The following ATG2B variants were observed in gnomAD, a reference collection of about 807,000 sequenced individuals.
ATG2B encodes autophagy-related protein 2 homolog B.
In ATG2B, 121 loss-of-function variants were observed where a neutral mutation model predicts 241.3. The observed-to-expected ratio is 0.50, with a 90% confidence interval of 0.43 to 0.58. ATG2B has a LOEUF of 0.58. ATG2B is among the 20% of genes least tolerant of loss of function. The probability of loss-of-function intolerance (pLI) is 0.00; values close to 1 mark genes in which losing one functional copy is unlikely to be tolerated. For missense variants in ATG2B, 2,306 were observed against 2,491.6 expected, an observed-to-expected ratio of 0.93 and a Z score of 1.59; for synonymous variants, 858 against 876.6, an observed-to-expected ratio of 0.98 and a Z score of 0.37.
chr14:96,331,625 C>A lies in ATG2B; in HGVS notation c.1481G>T (p.Arg494Ile). 6.2e-7 allele frequency: 1 copy of A among 1,605,676 alleles called. No homozygotes were observed. Among genetic ancestry groups the A allele is most frequent in the Non-Finnish European group, 8.5e-7 (1 of 1,177,332 alleles). ...TPLQKTSLPS[R>I]SVSVDESRPE... ...CCTTGATTCATCCACTGAAACAGAT[C>A]TAGATGGGAGAGCTAAAATACAAGT... The change falls in exon 11 of 42, where the codon AGA becomes ATA. Residue 494 changes from arginine (R) to isoleucine (I), a missense_variant. Transcript: ENST00000359933.
At chr14:96,287,596 G>A (rs1441844377) in intron 41 of ATG2B, among the ~76,000 whole-genome samples, 2 of 152,208 alleles carry the variant, frequency 1.3e-5, no homozygotes, top group East Asian at 1.9e-4. Context: ...TACGGTGATT[G>A]TTAGAATTAA....
In ATG2B at chr14:96,315,581, T is replaced by C. The variant is rs202208688; in HGVS notation, c.3364A>G (p.Ile1122Val). Reference sequence around the variant, plus strand: ...GTCGGGAGAATCACTCCATTCACTATGCCTAGAGATCCACATTGAGGTAAA... The same window carrying C: ...GTCGGGAGAATCACTCCATTCACTACGCCTAGAGATCCACATTGAGGTAAA... ...SSSFSLYHKG[I>V]VNGVILPTET... is the part of the protein sequence containing the mutation. The change falls in exon 22 of 42, where the codon ATA (isoleucine) becomes GTA (valine). Residue 1122 changes from isoleucine (I) to valine (V), a missense_variant and splice_region_variant. By Grantham distance (29) the Ile-to-Val change is conservative. Transcript: ENST00000359933. The C allele has an allele frequency of 2.0e-4, 315 of 1,611,470 alleles. No homozygotes were observed. The highest frequency in any genetic ancestry group is 2.5e-4 in the Non-Finnish European group (296 of 1,177,816).
chr14:96,322,848 A>G (rs1248084207), intron 16 of ATG2B, 113 bp from the exon 17 acceptor site: 1 of 864,132 alleles, frequency 1.2e-6, no homozygotes, highest in Non-Finnish European at 1.7e-6. Context: ...GATAGAATTA[A>G]ACTTCTCTAC....
intron 1 of ATG2B, among the ~76,000 whole-genome samples, chr14:96,359,093 C>T (rs1184891747): frequency 6.6e-6 from 1 of 151,478 alleles, no homozygotes; most frequent in Non-Finnish European, 1.5e-5. Context: ...CCTCAGTGGC[C>T]AGGCGTGGTG....
At chr14:96,352,295 G>T (rs1888346332) in intron 1 of ATG2B, among the ~76,000 whole-genome samples, 1 of 152,074 alleles carries the variant, frequency 6.6e-6, no homozygotes, top group Non-Finnish European at 1.5e-5. Context: ...ATACTCGAGG[G>T]TGATAATAAA....
intron 22 of ATG2B, 52 bp downstream of exon 22, chr14:96,315,332 T>C: frequency 2.5e-6 from 4 of 1,594,004 alleles, no homozygotes; most frequent in Non-Finnish European, 3.4e-6. Context: ...TTTATGTAAT[T>C]ATTTTTAGCT....
intron 20 of ATG2B, 67 bp downstream of exon 20, chr14:96,317,078 T>A (rs1887333523): frequency 7.4e-7 from 1 of 1,359,526 alleles, no homozygotes. Flanking sequence ...TCACTAGATA[T>A]GTATCCTAGC....
In ATG2B at chr14:96,316,971, G is replaced by A. The variant is rs11160331; in HGVS notation, c.3210+174C>T. Among the ~76,000 whole-genome samples the A allele has an allele frequency of 0.32, 49,372 of 152,056 alleles. 9,159 individuals carry two copies. The highest frequency in any genetic ancestry group is 0.42 in the Non-Finnish European group (28,757 of 67,974). On this transcript the variant is annotated intron_variant, in intron 20 of 41. Coordinates refer to ENST00000359933, the MANE Select transcript of ATG2B (RefSeq NM_018036.7). ...AGCCCCACAAAGTTTGATCTGCAACGAAAGCTAAATCCCCAAAGTTGCTAT... is the reference window on the plus strand; with the variant it reads ...AGCCCCACAAAGTTTGATCTGCAACAAAAGCTAAATCCCCAAAGTTGCTAT...
At chr14:96,354,903 A>C (rs1326741655) in intron 1 of ATG2B, among the ~76,000 whole-genome samples, 1 of 151,990 alleles carries the variant, frequency 6.6e-6, no homozygotes, top group Non-Finnish European at 1.5e-5. Flanking sequence ...AGTGATGTTG[A>C]GCTTTTTTTT....
chr14:96,363,039 G>A lies in ATG2B; in HGVS notation c.-63C>T. The A allele has an allele frequency of 1.9e-6, 3 of 1,593,182 alleles. No homozygotes were observed. Among genetic ancestry groups the A allele is most frequent in the South Asian group, 2.2e-5 (2 of 90,006 alleles). The stretch of plus-strand genomic sequence containing the variant: ...TTGCGACGGCTCCGGCCTCGGGGTA[G>A]CGACTCCGGCTCCAGGCCGCGGCGG... On this transcript the variant is annotated 5_prime_UTR_variant, in exon 1 of 42. Coordinates refer to ENST00000359933, the MANE Select transcript of ATG2B (RefSeq NM_018036.7).
In ATG2B at chr14:96,295,348, C is replaced by T; in HGVS notation, c.5218+134G>A. On this transcript the variant is annotated intron_variant, in intron 35 of 41. Coordinates refer to ENST00000359933, the MANE Select transcript of ATG2B (RefSeq NM_018036.7). Reference sequence around the variant, plus strand: ...TTTTATATAAACAGTATTCGCGAATCAACAAAAATAAACACAGAACACATT... The same window carrying T: ...TTTTATATAAACAGTATTCGCGAATTAACAAAAATAAACACAGAACACATT... 3 of 858,232 alleles carry T rather than the reference C, an allele frequency of 3.5e-6. 1 individual carries two copies. The South Asian group carries it at 5.6e-5, about 16-fold the overall frequency. The allele number at this position is 858,232 out of a possible 1,614,324, so 53.2% of individuals were successfully genotyped here.
intron 1 of ATG2B, among the ~76,000 whole-genome samples, chr14:96,362,468 T>C (rs147614415): frequency 6.6e-6 from 1 of 152,162 alleles, no homozygotes; most frequent in Admixed American, 6.5e-5. Context: ...CAGGGTTTGT[T>C]TGCCACAAAA....
chr14:96,289,888 G>GTGCTC lies in ATG2B; in HGVS notation c.5857-84_5857-83insGAGCA. The GTGCTC allele has an allele frequency of 7.1e-7, 1 of 1,415,750 alleles. No homozygotes were observed. Among genetic ancestry groups the GTGCTC allele is most frequent in the Non-Finnish European group, 9.8e-7 (1 of 1,025,476 alleles). The allele number at this position is 1,415,750 out of a possible 1,614,324, so 87.7% of individuals were successfully genotyped here. ...ACCAGCAGAGCACTTCCTACAGGGA[G>GTGCTC]TGAGGAAGAGCAGAGGAACTCACAA... On this transcript the variant is annotated intron_variant, in intron 40 of 41. Transcript: ENST00000359933. This position sits in a 1 kb window ranked among gnomAD's most constrained non-coding sequence, Gnocchi z 4.3.
chr14:96,308,273 T>TAC (rs1887049005), intron 29 of ATG2B, among the ~76,000 whole-genome samples: 8 of 39,412 alleles, frequency 2.0e-4, no homozygotes, highest in Admixed American at 5.6e-4. Flanking sequence ...TATATATATA[T>TAC]ATATATATAT....
At chr14:96,319,573 T>C (rs1021145785) in intron 18 of ATG2B, among the ~76,000 whole-genome samples, 1 of 152,174 alleles carries the variant, frequency 6.6e-6, no homozygotes, top group Admixed American at 6.5e-5. Context: ...TTATAACTCC[T>C]GCTCAGAAAA....
chr14:96,300,764 A>T (rs181885889), intron 34 of ATG2B, among the ~76,000 whole-genome samples: 1 of 152,342 alleles, frequency 6.6e-6, no homozygotes, highest in East Asian at 1.9e-4. Context: ...GGCAAGTCTA[A>T]CCTAGGTCAG....
chr14:96,335,645 G>A (rs530759132), intron 6 of ATG2B, among the ~76,000 whole-genome samples: 25 of 152,204 alleles, frequency 1.6e-4, no homozygotes, highest in African/African-American at 5.5e-4. Flanking sequence ...CTCCTTCCAC[G>A]GCATGGCTCC....
Position 96,313,162 on chromosome 14 carries a change from T to C in ATG2B, c.3750-5A>G. ...CGGATTGGCAAATAAAGGGGTCTAA[T>C]GCCAAAGAGAAACAAAAGAACATCA... On this transcript the variant is annotated splice_polypyrimidine_tract_variant and splice_region_variant and intron_variant, in intron 24 of 41. Coordinates refer to ENST00000359933, the MANE Select transcript of ATG2B (RefSeq NM_018036.7). 1.2e-6 allele frequency: 2 copies of C among 1,604,512 alleles called. No homozygotes were observed. The highest frequency in any genetic ancestry group is 1.1e-5 in the South Asian group (1 of 90,544).
intron 14 of ATG2B, among the ~76,000 whole-genome samples, 158 bp from the exon 15 acceptor site, chr14:96,326,080 T>C (rs1211661067): frequency 6.6e-6 from 1 of 152,146 alleles, no homozygotes; most frequent in East Asian, 1.9e-4. Flanking sequence ...TAATTTAGTG[T>C]AAAAAAATTT....
Sources: allele counts gnomAD v4.1 joint callset (sites outside exome capture counted in the v4.1 genomes callset), GRCh38; gene constraint gnomAD v4.1.1; non-coding constraint Gnocchi (gnomAD v3.1); transcripts MANE v1.5; gene names NCBI Gene and HGNC (gene_info 2026-07-23, HGNC 2026-07-21).